Variants in WWOX observed in about 807,000 individuals in gnomAD.
WWOX encodes the protein WW domain containing oxidoreductase.
Under a neutral mutation model 46.2 loss-of-function variants are expected in WWOX, and 69 were observed. The observed-to-expected ratio is 1.49, with a 90% CI of 1.23 to 1.82. WWOX has a LOEUF of 1.82. Ranked by LOEUF, WWOX falls within the 40% of genes most tolerant of loss-of-function variation. WWOX has a pLI of 0.00. For missense variants in WWOX, 919 were observed against 542.6 expected, an observed-to-expected ratio of 1.69 and a Z score of -6.89; for synonymous variants, 359 against 202.6, an observed-to-expected ratio of 1.77 and a Z score of -6.56.
At chr16:78,255,882 G>T (rs1007039264) in intron 5 of WWOX, among the ~76,000 whole-genome samples, 1 of 152,052 alleles carries the variant, frequency 6.6e-6, no homozygotes, top group Admixed American at 6.5e-5. Context: ...AGTGGCTCGC[G>T]CCTGTAATCT....
chr16:78,980,034 A>G (rs892002158), intron 8 of WWOX, among the ~76,000 whole-genome samples: 1 of 152,164 alleles, frequency 6.6e-6, no homozygotes, highest in African/African-American at 2.4e-5. Flanking sequence ...AAGCTGAGGC[A>G]GGAGAATCAC....
chr16:78,366,139 T>C (rs1245280302), intron 5 of WWOX, among the ~76,000 whole-genome samples: 1 of 152,234 alleles, frequency 6.6e-6, no homozygotes, highest in Non-Finnish European at 1.5e-5. Flanking sequence ...TATTTCAATT[T>C]ACTGACCATT....
chr16:78,403,977 A>T (rs952045178), intron 6 of WWOX, among the ~76,000 whole-genome samples: 2 of 152,224 alleles, frequency 1.3e-5, no homozygotes, highest in African/African-American at 4.8e-5. Flanking sequence ...GTATTATCTT[A>T]ACATATATTC....
chr16:78,882,219 T>C (rs74793423), intron 8 of WWOX, among the ~76,000 whole-genome samples: 2,602 of 152,346 alleles, frequency 0.017, 77 homozygotes, highest in African/African-American at 0.059. Context: ...GCCAATACTT[T>C]CTAACATGTG....
At chr16:79,088,907 C>A (rs2048901867) in intron 8 of WWOX, among the ~76,000 whole-genome samples, 1 of 152,180 alleles carries the variant, frequency 6.6e-6, no homozygotes. Context: ...CCAAAGGATA[C>A]TTCCTATTGG....
In WWOX at chr16:78,253,849, G is replaced by A. The variant is rs73570495; in HGVS notation, c.516+89560G>A. Among the ~76,000 whole-genome samples the A allele has an allele frequency of 2.9e-3, 446 of 152,212 alleles. 3 individuals carry two copies. Among genetic ancestry groups the A allele is most frequent in the African/African-American group, 9.1e-3 (378 of 41,534 alleles). On this transcript the variant is annotated intron_variant, in intron 5 of 8. Coordinates refer to ENST00000566780, the MANE Select transcript of WWOX (RefSeq NM_016373.4). Reference sequence around the variant, plus strand: ...GTGACTTGGGAAAGAAAAATGTAAGGTGGTAAGCTTACGTACATGCTTTCG... The same window carrying A: ...GTGACTTGGGAAAGAAAAATGTAAGATGGTAAGCTTACGTACATGCTTTCG...
intron 8 of WWOX, among the ~76,000 whole-genome samples, chr16:78,450,473 C>A (rs2083665593): frequency 6.6e-6 from 1 of 152,062 alleles, no homozygotes; most frequent in Non-Finnish European, 1.5e-5. Flanking sequence ...CTAGAAAGTT[C>A]CTTCTTTCAG....
intron 8 of WWOX, among the ~76,000 whole-genome samples, chr16:78,729,211 G>A (rs1194651200): frequency 6.6e-6 from 1 of 151,820 alleles, no homozygotes; most frequent in Non-Finnish European, 1.5e-5. Context: ...ACATCGTGGT[G>A]CATGCCTGTT....
At chr16:79,168,280 G>T (rs1454012919) in intron 8 of WWOX, among the ~76,000 whole-genome samples, 1 of 152,138 alleles carries the variant, frequency 6.6e-6, no homozygotes, top group African/African-American at 2.4e-5. Flanking sequence ...ATCAGTCTAG[G>T]TTTAACTTTT....
At chr16:78,684,311 C>A (rs966928448) in intron 8 of WWOX, among the ~76,000 whole-genome samples, 4 of 152,092 alleles carry the variant, frequency 2.6e-5, no homozygotes, top group African/African-American at 9.7e-5. Context: ...GGAAGGGGAG[C>A]GGTGGCAGGT....
intron 8 of WWOX, among the ~76,000 whole-genome samples, chr16:78,465,189 G>A (rs149569706): frequency 1.7e-3 from 262 of 152,276 alleles, no homozygotes; most frequent in African/African-American, 6.1e-3. Flanking sequence ...ATGAGATTTG[G>A]GTGGGGACAC....
intron 8 of WWOX, among the ~76,000 whole-genome samples, chr16:78,634,357 C>T (rs2046512511): frequency 6.6e-6 from 1 of 152,094 alleles, no homozygotes; most frequent in Admixed American, 6.6e-5. Flanking sequence ...TTCACTTATT[C>T]CCTCATTCAG....
chr16:78,529,513 C>T (rs558377867), intron 8 of WWOX, among the ~76,000 whole-genome samples: 2 of 152,182 alleles, frequency 1.3e-5, no homozygotes, highest in South Asian at 4.1e-4. Context: ...GTGTCCTGGG[C>T]TGGAATGCAA....
At chr16:78,834,742 A>T (rs1597694653) in intron 8 of WWOX, among the ~76,000 whole-genome samples, 1 of 152,322 alleles carries the variant, frequency 6.6e-6, no homozygotes, top group African/African-American at 2.4e-5. Flanking sequence ...GATACAGACA[A>T]AGAGAAAGGC....
At chr16:78,209,908 A>T (rs1343587332) in intron 5 of WWOX, among the ~76,000 whole-genome samples, 3 of 152,190 alleles carry the variant, frequency 2.0e-5, no homozygotes, top group Non-Finnish European at 2.9e-5. Context: ...AAGTAGCAGA[A>T]TAGTAATTTT....
chr16:78,495,374 CA>C (rs766741135), intron 8 of WWOX, among the ~76,000 whole-genome samples: 1 of 151,968 alleles, frequency 6.6e-6, no homozygotes, highest in East Asian at 1.9e-4. Flanking sequence ...CTCTTGACCT[CA>C]GGTGATCTGC....
chr16:79,055,831 C>T lies in WWOX; in HGVS notation c.1057-155777C>T, dbSNP rs569441161. 4.6e-5 allele frequency among the ~76,000 whole-genome samples: 7 copies of T among 152,278 alleles called. 1 individual carries two copies. In the East Asian group the frequency reaches 7.7e-4, roughly 17 times the overall value. ...CTAAAACTCAAAGTGAGTCAGACTT[C>T]TTAGGCTTGTAGATGTTGAGGACTA... On this transcript the variant is annotated intron_variant, in intron 8 of 8. Coordinates refer to ENST00000566780, the MANE Select transcript of WWOX (RefSeq NM_016373.4).
chr16:79,157,086 A>T (rs1444436595), intron 8 of WWOX, among the ~76,000 whole-genome samples: 2 of 152,254 alleles, frequency 1.3e-5, no homozygotes, highest in African/African-American at 4.8e-5. Context: ...ACTTGAGAGA[A>T]AGTATTAGGA....
intron 8 of WWOX, among the ~76,000 whole-genome samples, chr16:79,098,889 T>A (rs1035986277): frequency 1.3e-5 from 2 of 152,210 alleles, no homozygotes; most frequent in African/African-American, 4.8e-5. Flanking sequence ...AAGGGTATAG[T>A]TTTGTCCGTT....
Sources: allele counts gnomAD v4.1 joint callset (sites outside exome capture counted in the v4.1 genomes callset), GRCh38; gene constraint gnomAD v4.1.1; transcripts MANE v1.5; gene names NCBI Gene and HGNC (gene_info 2026-07-23, HGNC 2026-07-21).